Variants in SLC24A2 observed in about 807,000 individuals in gnomAD.
The protein encoded by SLC24A2 is sodium/potassium/calcium exchanger 2.
In SLC24A2, 36 loss-of-function variants were observed where a neutral mutation model predicts 62.0. That is an observed-to-expected ratio of 0.58 (90% CI 0.44 to 0.77). SLC24A2 has a LOEUF of 0.77. Among genes scored for constraint, SLC24A2 ranks in the 30% least tolerant of loss-of-function variants. SLC24A2 has a pLI of 0.00. For synonymous variants in SLC24A2, 358 were observed against 294.0 expected, an observed-to-expected ratio of 1.22 and a Z score of -2.23; for missense variants, 846 against 817.9, an observed-to-expected ratio of 1.03 and a Z score of -0.42.
At chr9:19,974,426 T>A in the SLC24A2 span, among the ~76,000 whole-genome samples, 1 of 152,188 alleles carries the variant, frequency 6.6e-6, no homozygotes, top group Non-Finnish European at 1.5e-5. Flanking sequence ...TCCTCAGTAA[T>A]TGGTCCCTAA....
At chr9:19,542,985 T>C (rs1834352172) in intron 8 of SLC24A2, among the ~76,000 whole-genome samples, 1 of 152,182 alleles carries the variant, frequency 6.6e-6, no homozygotes, top group Non-Finnish European at 1.5e-5. Flanking sequence ...CTTTTTCTAT[T>C]GTTTGAAATG....
the SLC24A2 span, among the ~76,000 whole-genome samples, chr9:19,947,798 A>AG: frequency 2.5e-5 from 3 of 118,668 alleles, no homozygotes; most frequent in Non-Finnish European, 3.6e-5. Flanking sequence ...CTCAAAAAAA[A>AG]AAAAAAAAAA....
chr9:19,597,656 T>C (rs1043529608), intron 4 of SLC24A2, among the ~76,000 whole-genome samples: 2 of 152,166 alleles, frequency 1.3e-5, no homozygotes, highest in South Asian at 2.1e-4. Context: ...TCCAGGCTCA[T>C]GGAAGCTTGC....
At chr9:19,913,985 T>A in the SLC24A2 span, among the ~76,000 whole-genome samples, 1 of 152,060 alleles carries the variant, frequency 6.6e-6, no homozygotes, top group African/African-American at 2.4e-5. Context: ...AAACCTACAA[T>A]CTTGATCAGC....
the SLC24A2 span, among the ~76,000 whole-genome samples, chr9:20,043,827 T>C: frequency 3.9e-5 from 6 of 152,050 alleles, no homozygotes; most frequent in Middle Eastern, 3.4e-3. Context: ...TAGAATAAAC[T>C]TAGTTGATAA....
At chr9:19,648,786 A>T (rs796118686) in intron 2 of SLC24A2, among the ~76,000 whole-genome samples, 11 of 152,262 alleles carry the variant, frequency 7.2e-5, no homozygotes, top group African/African-American at 2.6e-4. Context: ...AACATTCTAT[A>T]AAAGGGTCAA....
rs1335817538 is a variant in SLC24A2, at chr9:19,512,625, G to C, written c.*3528C>G. The C allele has an allele frequency of 6.6e-6, 1 of 152,232 alleles. No homozygotes were observed. Among genetic ancestry groups the C allele is most frequent in the African/African-American group, 2.4e-5 (1 of 41,450 alleles). 9.4% of individuals were successfully genotyped at this position (152,232 alleles called of 1,614,324 possible). On this transcript the variant is annotated 3_prime_UTR_variant, in exon 11 of 11. Coordinates refer to ENST00000341998, the MANE Select transcript of SLC24A2 (RefSeq NM_020344.4). ...TTCTATTTGGGAATTGTCAGTTTGA[G>C]CCAAGCTGCTCTGCTGCCTTGGAAG...
chr9:19,785,707 G>C (rs182453213), intron 2 of SLC24A2, among the ~76,000 whole-genome samples: 147 of 152,282 alleles, frequency 9.7e-4, no homozygotes, highest in Admixed American at 2.5e-3. Context: ...ATTTACAAGT[G>C]TTTTACTCTG....
the SLC24A2 span, among the ~76,000 whole-genome samples, chr9:19,981,950 C>A: frequency 6.6e-6 from 1 of 152,222 alleles, no homozygotes; most frequent in African/African-American, 2.4e-5. Context: ...TGGTCAAGCC[C>A]AACATCAGTG....
the SLC24A2 span, among the ~76,000 whole-genome samples, chr9:20,057,159 A>G: frequency 6.6e-6 from 1 of 152,356 alleles, no homozygotes; most frequent in African/African-American, 2.4e-5. Context: ...TTGGGCCAGA[A>G]GATTCATATT....
chr9:19,582,252 AC>A (rs963791195), intron 5 of SLC24A2, among the ~76,000 whole-genome samples: 1 of 152,166 alleles, frequency 6.6e-6, no homozygotes, highest in African/African-American at 2.4e-5. Context: ...TGGAAAAACA[AC>A]GTTTGGAGGG....
chr9:19,782,366 CAA>C (rs1392054884), intron 2 of SLC24A2, among the ~76,000 whole-genome samples: 2 of 152,130 alleles, frequency 1.3e-5, no homozygotes, highest in Admixed American at 6.5e-5. Context: ...ACCCCAAAAG[CAA>C]AAGTCTCTGC....
At chr9:19,587,272 T>C (rs950565473) in intron 5 of SLC24A2, among the ~76,000 whole-genome samples, 3 of 152,222 alleles carry the variant, frequency 2.0e-5, no homozygotes, top group Non-Finnish European at 4.4e-5. Context: ...GAGGAACCTA[T>C]ATATTACCCA....
chr9:19,904,179 T>C, the SLC24A2 span, among the ~76,000 whole-genome samples: 2 of 151,910 alleles, frequency 1.3e-5, no homozygotes, highest in Non-Finnish European at 2.9e-5. Flanking sequence ...ATGAAGAATC[T>C]TGGGCACCAT....
At chr9:19,526,015 C>G (rs534992943) in intron 9 of SLC24A2, among the ~76,000 whole-genome samples, 5 of 152,266 alleles carry the variant, frequency 3.3e-5, no homozygotes, top group African/African-American at 7.2e-5. Flanking sequence ...CCCCCAACCT[C>G]TCCAATCCTA....
At chr9:19,739,744 C>T (rs1821617745) in intron 2 of SLC24A2, among the ~76,000 whole-genome samples, 1 of 152,054 alleles carries the variant, frequency 6.6e-6, no homozygotes, top group South Asian at 2.1e-4. Flanking sequence ...ATCTTTATGA[C>T]ATTGGGGTAG....
the SLC24A2 span, among the ~76,000 whole-genome samples, chr9:20,063,145 T>C: frequency 4.2e-5 from 6 of 142,258 alleles, 1 homozygote; most frequent in African/African-American, 1.6e-4. Context: ...TTACTGGGTA[T>C]ATACCCAAAG....
the SLC24A2 span, among the ~76,000 whole-genome samples, chr9:20,216,428 T>C: frequency 6.6e-6 from 1 of 152,360 alleles, no homozygotes; most frequent in East Asian, 1.9e-4. Flanking sequence ...ATATTTAAGA[T>C]ACTTGTGTTA....
chr9:19,705,404 G>A (rs1820483068), intron 2 of SLC24A2: 1 of 164,178 alleles, frequency 6.1e-6, no homozygotes, highest in Non-Finnish European at 1.3e-5. Context: ...GAGGTACTGG[G>A]TGGTTGGGGC....
Sources: gnomAD v4.1 joint callset for allele counts (sites outside exome capture counted in the v4.1 genomes callset) on GRCh38, gnomAD v4.1.1 for gene constraint, MANE v1.5 for transcripts, NCBI Gene and HGNC (gene_info 2026-07-23, HGNC 2026-07-21) for gene names.